EIF2A: variants seen among roughly 807,000 people sequenced by gnomAD.
EIF2A encodes eukaryotic translation initiation factor 2A, also known as 65 kDa eukaryotic translation initiation factor 2A.
In EIF2A, 62 loss-of-function variants were observed where a neutral mutation model predicts 75.2. That is an observed-to-expected ratio of 0.82 (90% CI 0.67 to 1.02). EIF2A has a LOEUF of 1.02. Among genes scored for constraint, EIF2A ranks in the 50% least tolerant of loss-of-function variants. The pLI, the probability that EIF2A is intolerant of heterozygous loss-of-function variation, is 0.00. For synonymous variants in EIF2A, 207 were observed against 239.0 expected (o/e 0.87, Z 1.23); for missense variants, 611 against 677.7 (o/e 0.90, Z 1.09).
intron 3 of EIF2A, among the ~76,000 whole-genome samples, chr3:150,560,181 CT>C (rs1723777259): frequency 6.6e-6 from 1 of 152,142 alleles, no homozygotes; most frequent in African/African-American, 2.4e-5. Context: ...AACTCTGAAT[CT>C]TTTTAGTATG....
chr3:150,563,484 C>A (rs1257240532), intron 4 of EIF2A, 31 bp from the exon 5 acceptor site: 1 of 1,484,568 alleles, frequency 6.7e-7, no homozygotes, highest in East Asian at 2.5e-5. Context: ...TGTTACAAGG[C>A]AATTACTGAA....
Position 150,571,964 on chromosome 3 carries a change from A to T in EIF2A, c.818A>T (p.Asn273Ile). 6.3e-7 allele frequency: 1 copy of T among 1,596,014 alleles called. No homozygotes were observed. The highest frequency in any genetic ancestry group is 8.5e-7 in the Non-Finnish European group (1 of 1,173,114). ...GESAVVQLPKNGPIYDVVWNS... is the reference protein window; with the variant it reads ...GESAVVQLPKIGPIYDVVWNS... ...CTTTATATTCTTTTTCTAGCAAAAA[A>T]TGGCCCCATTTATGATGTAGTTTGG... Residue 273 changes from asparagine (N) to isoleucine (I), a missense_variant, in exon 10 of 14, where the codon AAT becomes ATT. By Grantham distance (149) the Asn-to-Ile change is moderately radical (BLOSUM62 -3). Transcript: ENST00000460851.
chr3:150,567,428 A>C (rs1724247432), intron 6 of EIF2A: 1 of 322,160 alleles, frequency 3.1e-6, no homozygotes. Context: ...CTTCTCTTAA[A>C]ACCAATTACT....
At chr3:150,566,567 C>T (rs1034896340) in intron 6 of EIF2A, 6 of 150,738 alleles carry the variant, frequency 4.0e-5, no homozygotes, top group Admixed American at 1.3e-4. Context: ...AAGTTTTATA[C>T]GTATAGTTTT....
At chr3:150,553,511 C>T (rs1373869029) in intron 2 of EIF2A, among the ~76,000 whole-genome samples, 8 of 152,024 alleles carry the variant, frequency 5.3e-5, no homozygotes, top group African/African-American at 1.4e-4. Flanking sequence ...CAGGTTCAAG[C>T]GATTCTCCTG....
chr3:150,552,346 ACTT>A lies in EIF2A; in HGVS notation c.29-6_29-4del. On this transcript the variant is annotated splice_polypyrimidine_tract_variant and splice_region_variant and intron_variant, in intron 1 of 13. Coordinates refer to ENST00000460851, the MANE Select transcript of EIF2A (RefSeq NM_032025.5). ...AAGTAATTGTGGTTCTTTTTATTTTACTTCTTTAGTCCGAGGATCAGAAGGACT... is the reference window on the plus strand; with the variant it reads ...AAGTAATTGTGGTTCTTTTTATTTTACTTTAGTCCGAGGATCAGAAGGACT... The A allele has an allele frequency of 6.5e-7, 1 of 1,546,744 alleles. No individual in the cohort carries two copies. The highest frequency in any genetic ancestry group is 8.7e-7 in the Non-Finnish European group (1 of 1,145,444).
At chr3:150,575,537 A>T in intron 10 of EIF2A, 112 bp from the exon 11 acceptor site, 7 of 805,570 alleles carry the variant, frequency 8.7e-6, no homozygotes, top group Non-Finnish European at 1.1e-5. Flanking sequence ...TTTGCTAATG[A>T]TCTTAAATTT....
At chr3:150,572,684 G>A (rs952511027) in intron 10 of EIF2A, among the ~76,000 whole-genome samples, 155 bp downstream of exon 10, 3 of 152,012 alleles carry the variant, frequency 2.0e-5, no homozygotes, top group Non-Finnish European at 4.4e-5. Context: ...CTGAAACCCC[G>A]TCCCTACTAA....
chr3:150,559,303 C>T (rs1358018140), intron 3 of EIF2A, among the ~76,000 whole-genome samples: 1 of 152,112 alleles, frequency 6.6e-6, no homozygotes, highest in Non-Finnish European at 1.5e-5. Context: ...CCTTTTATGA[C>T]TATAAGTAGC....
intron 1 of EIF2A, among the ~76,000 whole-genome samples, chr3:150,549,622 T>C (rs1270801315): frequency 6.6e-6 from 1 of 152,182 alleles, no homozygotes; most frequent in Non-Finnish European, 1.5e-5. Context: ...AAAGAACACA[T>C]TTTTGCCAGT....
At chr3:150,563,201 ATT>A (rs1209480864) in intron 4 of EIF2A, among the ~76,000 whole-genome samples, 1 of 152,180 alleles carries the variant, frequency 6.6e-6, no homozygotes, top group Non-Finnish European at 1.5e-5. Context: ...TAATGTTGAT[ATT>A]TTTGAATAAG....
Position 150,584,223 on chromosome 3 carries a change from C to T in EIF2A, c.*312C>T, listed in dbSNP as rs14434. The T allele has an allele frequency of 0.8, 171,053 of 212,588 alleles. 69,661 individuals are homozygous for T. Among genetic ancestry groups the T allele is most frequent in the East Asian group, 0.91 (8,979 of 9,878 alleles). The allele number at this position is 212,588 out of a possible 1,614,324, so 13.2% of individuals were successfully genotyped here. ...GGGTGATATATACCATGTAAATGAA[C>T]AAAGACATTTTAAATTTAATCACTG... On this transcript the variant is annotated 3_prime_UTR_variant, in exon 14 of 14. Transcript: ENST00000460851.
chr3:150,575,015 T>C (rs1396779334), intron 10 of EIF2A, among the ~76,000 whole-genome samples: 2 of 152,250 alleles, frequency 1.3e-5, no homozygotes, highest in African/African-American at 4.8e-5. Flanking sequence ...TATTGTGGAA[T>C]ATAGTTGTTA....
chr3:150,565,013 T>C (rs952476377), intron 6 of EIF2A: 9 of 305,990 alleles, frequency 2.9e-5, no homozygotes, highest in Non-Finnish European at 5.8e-5. Context: ...TTGATTGATA[T>C]ATCTTTTATG....
At chr3:150,581,783 T>G (rs1446355994) in intron 12 of EIF2A, 37 bp downstream of exon 12, 1 of 1,550,562 alleles carries the variant, frequency 6.4e-7, no homozygotes, top group South Asian at 1.2e-5. Flanking sequence ...TATTGAAAGG[T>G]ATACATGAAA....
At chr3:150,560,005 A>G (rs971930568) in intron 3 of EIF2A, among the ~76,000 whole-genome samples, 6 of 152,154 alleles carry the variant, frequency 3.9e-5, no homozygotes, top group Non-Finnish European at 5.9e-5. Flanking sequence ...GAAATTTACT[A>G]CCTAATGGGC....
At chr3:150,568,124 GA>G in intron 8 of EIF2A, 51 bp from the exon 9 acceptor site, 1 of 1,602,126 alleles carries the variant, frequency 6.2e-7, no homozygotes, top group Non-Finnish European at 8.5e-7. Context: ...TATAACAGAA[GA>G]ATCAATGCCC....
rs1050077892 is a variant in EIF2A, at chr3:150,569,793, G to A, written c.811+1501G>A. 2.0e-5 allele frequency among the ~76,000 whole-genome samples: 3 copies of A among 151,408 alleles called. No individual in the cohort carries two copies. The South Asian group carries it at 6.2e-4, about 31-fold the overall frequency. ...TCGTGCCACCGCACTCCAGCCCGCT[G>A]ACAGGGTGAGACTCTGTCACAAAAA... On this transcript the variant is annotated intron_variant, in intron 9 of 13. Coordinates refer to ENST00000460851, the MANE Select transcript of EIF2A (RefSeq NM_032025.5).
chr3:150,575,826 C>T (rs531824375), intron 11 of EIF2A, 64 bp downstream of exon 11: 18 of 1,371,642 alleles, frequency 1.3e-5, no homozygotes, highest in South Asian at 6.8e-5. Context: ...CAGTGGCTCA[C>T]GCCCGTAATC....
Sources: gnomAD v4.1 joint callset for allele counts (sites outside exome capture counted in the v4.1 genomes callset) on GRCh38, gnomAD v4.1.1 for gene constraint, MANE v1.5 for transcripts, NCBI Gene and HGNC (gene_info 2026-07-23, HGNC 2026-07-21) for gene names.